The following ZNF675 variants were observed in gnomAD, a reference collection of about 807,000 sequenced individuals.
ZNF675 encodes the protein zinc finger protein 675.
In ZNF675, 36 loss-of-function variants were observed where a neutral mutation model predicts 56.1. The ratio of observed to expected loss-of-function variants is 0.64; its 90% confidence interval spans 0.49 to 0.85. The LOEUF is 0.85. ZNF675 is among the 40% of genes least tolerant of loss of function. The pLI is 0.00. For missense variants in ZNF675, 663 were observed against 654.2 expected (o/e 1.01, Z -0.15); for synonymous variants, 200 against 218.9 (o/e 0.91, Z 0.76).
At chr19:23,678,990 C>G (rs1968338859) in intron 1 of ZNF675, among the ~76,000 whole-genome samples, 1 of 151,002 alleles carries the variant, frequency 6.6e-6, no homozygotes, top group Admixed American at 6.6e-5. Context: ...CACGGTGAAA[C>G]CCCATCTCTA....
chr19:23,673,691 A>AG (rs1206032220), intron 1 of ZNF675, among the ~76,000 whole-genome samples: 1 of 152,108 alleles, frequency 6.6e-6, no homozygotes, highest in Non-Finnish European at 1.5e-5. Context: ...GGGCAAGGGG[A>AG]GGGAGAGCAT....
intron 1 of ZNF675, among the ~76,000 whole-genome samples, chr19:23,670,370 G>T (rs775449007): frequency 2.6e-5 from 4 of 152,154 alleles, no homozygotes; most frequent in Non-Finnish European, 5.9e-5. Context: ...CAAATGGTCA[G>T]AAATCTCCTA....
chr19:23,653,638 G>C lies in ZNF675; in HGVS notation c.1295C>G (p.Ala432Gly). 1.2e-6 allele frequency: 2 copies of C among 1,613,794 alleles called. No individual in the cohort carries two copies. Among genetic ancestry groups the C allele is most frequent in the Non-Finnish European group, 1.7e-6 (2 of 1,179,988 alleles). Residue 432 changes from alanine (A) to glycine (G), a missense_variant, in exon 4 of 4, where the codon GCT becomes GGT. Physicochemically the swap from Ala to Gly is moderately conservative, Grantham distance 60. Transcript: ENST00000359788. ...AGTAAGTTTTGAGGATCGGTTAAAAGCTTTGCCACATTCTTCACATTTGTA... is the reference window on the plus strand; with the variant it reads ...AGTAAGTTTTGAGGATCGGTTAAAACCTTTGCCACATTCTTCACATTTGTA... ...KPYKCEECGKAFNRSSKLTEH... is the reference protein window; with the variant it reads ...KPYKCEECGKGFNRSSKLTEH...
At chr19:23,659,287 A>G (rs1968045305) in intron 3 of ZNF675, among the ~76,000 whole-genome samples, 2 of 152,130 alleles carry the variant, frequency 1.3e-5, no homozygotes, top group Non-Finnish European at 2.9e-5. Flanking sequence ...ACAAAATTGA[A>G]ACAGAAAATG....
chr19:23,666,383 C>T (rs1200549034), intron 1 of ZNF675, among the ~76,000 whole-genome samples: 1 of 152,182 alleles, frequency 6.6e-6, no homozygotes, highest in African/African-American at 2.4e-5. Flanking sequence ...TGATTGGTTT[C>T]TTCCTGCAAC....
At chr19:23,685,710 T>C (rs2144803713) in intron 1 of ZNF675, among the ~76,000 whole-genome samples, 1 of 152,318 alleles carries the variant, frequency 6.6e-6, no homozygotes, top group South Asian at 2.1e-4. Flanking sequence ...TTAGTTAAAA[T>C]ACAGTATCTA....
chr19:23,674,389 T>A (rs1187036482), intron 1 of ZNF675, among the ~76,000 whole-genome samples: 5 of 151,594 alleles, frequency 3.3e-5, no homozygotes, highest in African/African-American at 1.2e-4. Flanking sequence ...ACGCCTGTAA[T>A]CCCAGCACTT....
rs149746210 is a variant in ZNF675 at position 23,661,679 on chromosome 19, G to A, written c.226+435C>T. On this transcript the variant is annotated intron_variant, in intron 3 of 3. Coordinates refer to ENST00000359788, the MANE Select transcript of ZNF675 (RefSeq NM_138330.3). ...CACCCCAGCCTGGGCTACAGAGCAA[G>A]ACTCTGTCTCAAAAAAAAAGAAGGA... 6.1e-3 allele frequency among the ~76,000 whole-genome samples: 931 copies of A among 151,948 alleles called. 9 individuals are homozygous for A. The highest frequency in any genetic ancestry group is 0.022 in the African/African-American group (896 of 41,428).
At position 23,687,133 on chromosome 19, in the gene ZNF675, A is replaced by T. The variant is rs1968454638; in HGVS notation, c.-100T>A. On this transcript the variant is annotated 5_prime_UTR_variant, in exon 1 of 4. Transcript: ENST00000359788. ...CTGGACCTCTAGGAGCAGAGGACAC[A>T]GAGCAATGAAAGCGAGACCTGGAGC... The T allele has an allele frequency of 6.9e-7, 1 of 1,457,448 alleles. No individual in the cohort carries two copies. 90.3% of individuals were successfully genotyped at this position (1,457,448 alleles called of 1,614,324 possible). A position where few individuals can be genotyped will look rare whatever the true frequency, so the allele number is the denominator to read the frequency against.
chr19:23,679,914 A>T (rs12976369), intron 1 of ZNF675, among the ~76,000 whole-genome samples: 1 of 150,994 alleles, frequency 6.6e-6, no homozygotes, highest in Admixed American at 6.6e-5. Context: ...CACTTGAATC[A>T]GGGAGGCAGA....
intron 3 of ZNF675, among the ~76,000 whole-genome samples, chr19:23,658,875 A>ATT (rs1491518681): frequency 2.1e-4 from 1 of 4,760 alleles, no homozygotes; most frequent in African/African-American, 5.7e-4. Flanking sequence ...AGATCTATAG[A>ATT]TATCTATAGA....
In ZNF675 at chr19:23,670,071, A is replaced by G. The variant is rs192226586; in HGVS notation, c.4-6913T>C. Among the ~76,000 whole-genome samples the G allele has an allele frequency of 1.7e-3, 254 of 152,074 alleles. 1 individual carries two copies. Among genetic ancestry groups the G allele is most frequent in the African/African-American group, 5.8e-3 (239 of 41,484 alleles). ...ATTTGGGTCACCTAATGAGCCCTCTACTTTGCAAAGTCCTCTTCTTTTTTC... is the reference window on the plus strand; with the variant it reads ...ATTTGGGTCACCTAATGAGCCCTCTGCTTTGCAAAGTCCTCTTCTTTTTTC... On this transcript the variant is annotated intron_variant, in intron 1 of 3. Coordinates refer to ENST00000359788, the MANE Select transcript of ZNF675 (RefSeq NM_138330.3).
At chr19:23,665,722 C>T (rs1265955860) in intron 1 of ZNF675, among the ~76,000 whole-genome samples, 1 of 152,120 alleles carries the variant, frequency 6.6e-6, no homozygotes, top group Non-Finnish European at 1.5e-5. Context: ...TGGTCTCAAA[C>T]TCCAGACCTC....
intron 1 of ZNF675, among the ~76,000 whole-genome samples, chr19:23,671,995 T>G (rs920551538): frequency 6.6e-6 from 1 of 152,058 alleles, no homozygotes; most frequent in African/African-American, 2.4e-5. Flanking sequence ...AATTCTGTTC[T>G]GGACATTTTC....
intron 1 of ZNF675, 96 bp from the exon 2 acceptor site, chr19:23,663,254 T>C: frequency 7.0e-7 from 1 of 1,436,468 alleles, no homozygotes; most frequent in Non-Finnish European, 9.4e-7. Context: ...GAACAGGTTC[T>C]GATTTATAGG....
chr19:23,682,795 A>T (rs1274398859), intron 1 of ZNF675, among the ~76,000 whole-genome samples: 1 of 151,854 alleles, frequency 6.6e-6, no homozygotes, highest in Non-Finnish European at 1.5e-5. Context: ...GTATATAAAA[A>T]GAAAATTTTA....
At chr19:23,655,053 G>A (rs1294719468) in intron 3 of ZNF675, 2 of 166,220 alleles carry the variant, frequency 1.2e-5, no homozygotes, top group Non-Finnish European at 2.6e-5. Flanking sequence ...GGCCAACATA[G>A]TGAACCCGCA....
chr19:23,681,032 G>A (rs1968369494), intron 1 of ZNF675, among the ~76,000 whole-genome samples: 1 of 151,652 alleles, frequency 6.6e-6, no homozygotes, highest in African/African-American at 2.4e-5. Flanking sequence ...ATGGGTGGAG[G>A]AGAGTGCAAT....
chr19:23,674,594 G>A (rs1307619644), intron 1 of ZNF675, among the ~76,000 whole-genome samples: 1 of 146,954 alleles, frequency 6.8e-6, no homozygotes, highest in Non-Finnish European at 1.5e-5. Flanking sequence ...AGTGAGCCTG[G>A]TCGACAGAAC....
Sources: gnomAD v4.1 joint callset for allele counts (sites outside exome capture counted in the v4.1 genomes callset) on GRCh38, gnomAD v4.1.1 for gene constraint, MANE v1.5 for transcripts, NCBI Gene and HGNC (gene_info 2026-07-23, HGNC 2026-07-21) for gene names.